Variants in TMEM182 observed in about 807,000 individuals in gnomAD.
The protein encoded by TMEM182 is transmembrane protein 182.
TMEM182 carries 20 observed loss-of-function variants against 26.8 expected under a neutral mutation model. The observed-to-expected ratio is 0.75, with a 90% CI of 0.53 to 1.09. The LOEUF (loss-of-function observed/expected upper bound fraction) is 1.09. TMEM182 is among the 50% of genes least tolerant of loss of function. The probability of loss-of-function intolerance (pLI) is 0.00; values close to 1 mark genes in which losing one functional copy is unlikely to be tolerated. For missense variants in TMEM182, 277 were observed against 275.5 expected, an observed-to-expected ratio of 1.01 and a Z score of -0.04; for synonymous variants, 109 against 102.2, an observed-to-expected ratio of 1.07 and a Z score of -0.40.
At chr2:102,840,184 A>G (rs1416451067) in intron 3 of TMEM182, among the ~76,000 whole-genome samples, 1 of 152,186 alleles carries the variant, frequency 6.6e-6, no homozygotes, top group African/African-American at 2.4e-5. Flanking sequence ...GCTTTTGAGC[A>G]CATCTCGAAG....
In TMEM182 at chr2:102,754,717, A is replaced by G. The variant is rs148878393; in HGVS notation, c.-82-3672A>G. On this transcript the variant is annotated intron_variant, in intron 1 of 5. Coordinates refer to the TMEM182 transcript ENST00000409173. ...GAATGTTTAAATCATTTCATCAGAT[A>G]TTTTGAGCTAATTAAGAATATTGCA... Among the ~76,000 whole-genome samples, 22 of 152,298 alleles carry G rather than the reference A, an allele frequency of 1.4e-4. No individual in the cohort carries two copies. The East Asian group carries it at 3.7e-3, about 25-fold the overall frequency.
intron 4 of TMEM182, among the ~76,000 whole-genome samples, chr2:102,800,613 G>T (rs1408284706): frequency 6.6e-6 from 1 of 151,836 alleles, no homozygotes; most frequent in Non-Finnish European, 1.5e-5. Flanking sequence ...AGAAATAACA[G>T]TGCTCTGTTT....
At chr2:102,737,308 C>T (rs1368485037) in intron 1 of TMEM182, among the ~76,000 whole-genome samples, 3 of 152,198 alleles carry the variant, frequency 2.0e-5, no homozygotes, top group African/African-American at 7.2e-5. Context: ...GAATTCTACA[C>T]ATGCTTCTTA....
At chr2:102,751,001 G>A (rs1679860348) in intron 1 of TMEM182, among the ~76,000 whole-genome samples, 1 of 152,134 alleles carries the variant, frequency 6.6e-6, no homozygotes, top group Admixed American at 6.5e-5. Flanking sequence ...GCCTCATTTA[G>A]CTGCTTCACT....
intron 3 of TMEM182, among the ~76,000 whole-genome samples, chr2:102,836,034 G>A (rs1363343910): frequency 6.6e-6 from 1 of 152,142 alleles, no homozygotes; most frequent in Non-Finnish European, 1.5e-5. Context: ...TTGGTAATAT[G>A]CATTGAAGGT....
At chr2:102,823,698 G>C (rs372553826) in intron 3 of TMEM182, among the ~76,000 whole-genome samples, 2 of 152,182 alleles carry the variant, frequency 1.3e-5, no homozygotes, top group East Asian at 1.9e-4. Context: ...TCCTCAAGGA[G>C]ATATGCTTAC....
chr2:102,768,551 A>G (rs1185786491), intron 3 of TMEM182, among the ~76,000 whole-genome samples: 1 of 151,764 alleles, frequency 6.6e-6, no homozygotes, highest in South Asian at 2.1e-4. Context: ...ACACAAAAAA[A>G]TTAGCCAGGA....
chr2:102,834,508 A>C, intron 3 of TMEM182: 1 of 877,442 alleles, frequency 1.1e-6, no homozygotes, highest in Non-Finnish European at 1.4e-6. Context: ...GTCTCATTTC[A>C]ACAGATATAG....
chr2:102,827,304 A>C (rs1027226448), intron 3 of TMEM182, among the ~76,000 whole-genome samples: 2 of 152,348 alleles, frequency 1.3e-5, no homozygotes, highest in East Asian at 3.9e-4. Flanking sequence ...CTCACAATGC[A>C]GGGGAAATTC....
chr2:102,838,294 T>C (rs932273117), intron 3 of TMEM182, among the ~76,000 whole-genome samples: 1 of 152,236 alleles, frequency 6.6e-6, no homozygotes, highest in African/African-American at 2.4e-5. Context: ...GCTTCACTGC[T>C]TGGTGCAGTG....
At position 102,762,600 on chromosome 2, in the gene TMEM182, C is replaced by T. The variant is rs1553437505; in HGVS notation, c.146C>T (p.Thr49Ile). Reference protein sequence around the residue: ...CSGEKNIENVTFHHEGFFWRC... With the variant: ...CSGEKNIENVIFHHEGFFWRC... ...TGTTCTGTGCAGATAGAGAACGTCA[C>T]TTTTCACCATGAAGGGTTCTTCTGG... The change falls in exon 2 of 5, where the codon ACT (threonine) becomes ATT (isoleucine). Residue 49 changes from threonine to isoleucine, a missense_variant. Physicochemically the swap from Thr to Ile is moderately conservative, Grantham distance 89. Transcript: ENST00000412401. 1 of 1,613,738 alleles carries T rather than the reference C, an allele frequency of 6.2e-7. No individual in the cohort carries two copies. The highest frequency in any genetic ancestry group is 1.1e-5 in the South Asian group (1 of 91,022).
chr2:102,793,030 T>A (rs180751394), intron 3 of TMEM182, among the ~76,000 whole-genome samples: 15 of 152,266 alleles, frequency 9.9e-5, no homozygotes, highest in Middle Eastern at 6.8e-3. Context: ...TCCTCTGCCG[T>A]CTGTGTGACC....
intron 3 of TMEM182, among the ~76,000 whole-genome samples, chr2:102,777,756 C>CT (rs1411016153): frequency 2.0e-4 from 29 of 144,488 alleles, no homozygotes; most frequent in South Asian, 6.6e-4. Flanking sequence ...CTTTTATTTC[C>CT]TTTTTTTTTT....
rs1175272314 is a variant in TMEM182, at chr2:102,737,075, C to G, written c.-83+62C>G. The G allele has an allele frequency of 6.5e-6, 3 of 464,558 alleles. No individual in the cohort carries two copies. In the East Asian group the frequency reaches 1.2e-4, roughly 19 times the overall value. 28.8% of individuals were successfully genotyped at this position (464,558 alleles called of 1,614,324 possible). A position where few individuals can be genotyped will look rare whatever the true frequency, so the allele number is the denominator to read the frequency against. Reference sequence around the variant, plus strand: ...CTCTTTGTTTCCTCTGGGTACAGACCCTGCTGCCCCTATCGTTGGAGGACA... The same window carrying G: ...CTCTTTGTTTCCTCTGGGTACAGACGCTGCTGCCCCTATCGTTGGAGGACA... On this transcript the variant is annotated intron_variant, in intron 1 of 5. Coordinates refer to the TMEM182 transcript ENST00000409173.
At chr2:102,840,932 T>G (rs1040760707) in intron 3 of TMEM182, among the ~76,000 whole-genome samples, 3 of 152,226 alleles carry the variant, frequency 2.0e-5, no homozygotes, top group Non-Finnish European at 4.4e-5. Flanking sequence ...ATGCAACGAC[T>G]CTGTTGTCTG....
intron 3 of TMEM182, among the ~76,000 whole-genome samples, chr2:102,838,945 G>A (rs1683299889): frequency 6.6e-6 from 1 of 152,150 alleles, no homozygotes; most frequent in African/African-American, 2.4e-5. Context: ...CTTCGCCAAG[G>A]TTGTACAGAG....
chr2:102,736,958 G>A, exon 1 of TMEM182: 1 of 962,626 alleles, frequency 1.0e-6, no homozygotes, highest in Non-Finnish European at 1.5e-6. Flanking sequence ...CGTGGCCGGT[G>A]CTGGCTGGGA....
chr2:102,773,495 G>T (rs1220734795), intron 3 of TMEM182, among the ~76,000 whole-genome samples: 1 of 150,398 alleles, frequency 6.6e-6, no homozygotes, highest in African/African-American at 2.5e-5. Flanking sequence ...CACTGCAAAG[G>T]CTCAGAGGTC....
upstream of TMEM182, among the ~76,000 whole-genome samples, chr2:102,760,034 T>G (rs1274437815): frequency 6.6e-6 from 1 of 152,198 alleles, no homozygotes; most frequent in Non-Finnish European, 1.5e-5. Context: ...TGAACATTGT[T>G]GTGAGGCCAT....
Sources: allele counts gnomAD v4.1 joint callset (sites outside exome capture counted in the v4.1 genomes callset), GRCh38; gene constraint gnomAD v4.1.1; transcripts MANE v1.5; gene names NCBI Gene and HGNC (gene_info 2026-07-23, HGNC 2026-07-21).